Variants in PKHD1 observed in about 807,000 individuals in gnomAD.
The protein encoded by PKHD1 is PKHD1 ciliary IPT domain containing fibrocystin/polyductin.
In PKHD1, 291 loss-of-function variants were observed where a neutral mutation model predicts 412.0. The ratio of observed to expected loss-of-function variants is 0.71; its 90% CI spans 0.64 to 0.78. The LOEUF is 0.78. Among genes scored for constraint, PKHD1 ranks in the 30% least tolerant of loss-of-function variants. PKHD1 has a pLI of 0.00. For synonymous variants in PKHD1, 1,777 were observed against 1,821.5 expected (o/e 0.98, Z 0.62); for missense variants, 4,825 against 4,950.7 (o/e 0.97, Z 0.76).
chr6:52,083,338 C>T, intron 2 of PKHD1, 83 bp from the exon 3 acceptor site: 1 of 906,914 alleles, frequency 1.1e-6, no homozygotes, highest in Non-Finnish European at 1.8e-6. Flanking sequence ...CAATATTTAA[C>T]CTGCCTCAGA....
rs749502580 is a variant in PKHD1 at position 51,855,941 on chromosome 6, C to T, written c.7863G>A (p.Glu2621=). The T allele has an allele frequency of 2.5e-6, 4 of 1,614,028 alleles. No homozygotes were observed. The Admixed American group carries it at 6.7e-5, about 27-fold the overall frequency. ...GGTTCTCAGATTGCAATGAGTAGGT[C>T]TCTTGGTCCAAGAGCAGAGCCATCC... ...RGWMALLLDQ[E]TYSLQSENLW... Residue 2621 remains glutamate (E), a synonymous_variant, in exon 49 of 67, where the codon GAG becomes GAA. Coordinates refer to ENST00000371117, the MANE Select transcript of PKHD1 (RefSeq NM_138694.4).
chr6:51,703,898 T>C (rs1779722102), intron 60 of PKHD1, among the ~76,000 whole-genome samples: 1 of 152,018 alleles, frequency 6.6e-6, no homozygotes, highest in South Asian at 2.1e-4. Context: ...TAAATATAAG[T>C]CAAGATGCTC....
intron 50 of PKHD1, 146 bp from the exon 51 acceptor site, chr6:51,836,615 T>G (rs1769273679): frequency 3.0e-6 from 2 of 669,782 alleles, no homozygotes; most frequent in Admixed American, 2.3e-5. Context: ...TTAGTTAATC[T>G]AACAATTGAT....
At chr6:51,862,167 A>G (rs562605208) in intron 48 of PKHD1, among the ~76,000 whole-genome samples, 1 of 152,270 alleles carries the variant, frequency 6.6e-6, no homozygotes, top group South Asian at 2.1e-4. Flanking sequence ...CTTCCCAACT[A>G]TATGTTCAGT....
At chr6:51,683,974 C>T (rs181814391) in intron 60 of PKHD1, among the ~76,000 whole-genome samples, 1 of 152,154 alleles carries the variant, frequency 6.6e-6, no homozygotes, top group East Asian at 1.9e-4. Context: ...CCTTATTCAC[C>T]TTTGCATATG....
chr6:51,859,797 A>G (rs912493239), intron 48 of PKHD1, among the ~76,000 whole-genome samples: 5 of 152,170 alleles, frequency 3.3e-5, no homozygotes, highest in African/African-American at 1.2e-4. Flanking sequence ...GAAGGCCCAT[A>G]CAAATGTGGT....
intron 59 of PKHD1, among the ~76,000 whole-genome samples, chr6:51,745,640 G>T (rs1453542023): frequency 2.0e-5 from 3 of 152,080 alleles, no homozygotes; most frequent in Non-Finnish European, 2.9e-5. Flanking sequence ...GGAGGTCAAG[G>T]CTGCAGTTAG....
chr6:51,919,754 T>C lies in PKHD1; in HGVS notation c.6122-7178A>G, dbSNP rs942840811. Among the ~76,000 whole-genome samples, 17 of 152,328 alleles carry C rather than the reference T, an allele frequency of 1.1e-4. No homozygotes were observed. In the East Asian group the frequency reaches 2.1e-3, roughly 19 times the overall value. On this transcript the variant is annotated intron_variant, in intron 37 of 66. Coordinates refer to ENST00000371117, the MANE Select transcript of PKHD1 (RefSeq NM_138694.4). ...ATTTTCACGATATTGATTCTTCCTA[T>C]CCATGAGCATGGAATGTTCTTCCAT...
Position 52,069,458 on chromosome 6 carries a change from T to C in PKHD1, c.777A>G (p.Ser259=), listed in dbSNP as rs1418886446. The change falls in exon 11 of 67, where the codon TCA becomes TCG. Residue 259 remains serine, a splice_region_variant and synonymous_variant. Coordinates refer to ENST00000371117, the MANE Select transcript of PKHD1 (RefSeq NM_138694.4). ...GTACTTGGTGAAGGGGGATAGTACC[T>C]GAGTGTGTCTGGTATAGGAAAAGAT... ...KQDLFLYQTH[S]EILSVFPETG... The C allele has an allele frequency of 6.2e-7, 1 of 1,603,924 alleles. No individual in the cohort carries two copies. The highest frequency in any genetic ancestry group is 1.7e-5 in the Admixed American group (1 of 59,998).
intron 8 of PKHD1, among the ~76,000 whole-genome samples, chr6:52,071,694 G>C (rs147253134): frequency 2.6e-3 from 398 of 152,240 alleles, no homozygotes; most frequent in African/African-American, 8.7e-3. Context: ...AGTTAGACAG[G>C]GTTCAAATCC....
At chr6:52,083,537 A>C (rs1812338479) in intron 2 of PKHD1, among the ~76,000 whole-genome samples, 1 of 152,004 alleles carries the variant, frequency 6.6e-6, no homozygotes, top group Admixed American at 6.5e-5. Context: ...ACATTCAAAA[A>C]CCCTGCACTC....
intron 34 of PKHD1, among the ~76,000 whole-genome samples, chr6:52,011,373 T>C (rs746600): frequency 0.41 from 62,841 of 152,090 alleles, 15,045 homozygotes; most frequent in Admixed American, 0.56. Context: ...CAATTTCACA[T>C]GTATGATCTC....
intron 60 of PKHD1, among the ~76,000 whole-genome samples, chr6:51,694,370 TA>T (rs763711962): frequency 3.3e-4 from 50 of 151,910 alleles, no homozygotes; most frequent in Non-Finnish European, 6.5e-4. Context: ...TTTTTTTAAT[TA>T]ATTCATTAAA....
At chr6:51,817,499 T>C (rs1765662102) in intron 52 of PKHD1, among the ~76,000 whole-genome samples, 2 of 152,088 alleles carry the variant, frequency 1.3e-5, no homozygotes, top group Non-Finnish European at 2.9e-5. Flanking sequence ...AGGGGACTGG[T>C]GTGTCAGTTT....
At chr6:51,685,414 G>T (rs554261960) in intron 60 of PKHD1, among the ~76,000 whole-genome samples, 1 of 152,050 alleles carries the variant, frequency 6.6e-6, no homozygotes, top group Admixed American at 6.6e-5. Flanking sequence ...AAGAATAGAA[G>T]TATTTCCTCT....
chr6:51,812,678 A>C (rs553576144), intron 52 of PKHD1, among the ~76,000 whole-genome samples: 1 of 152,324 alleles, frequency 6.6e-6, no homozygotes, highest in South Asian at 2.1e-4. Flanking sequence ...TGGCTATGCA[A>C]AGCTGTCTCT....
chr6:51,826,065 A>C (rs1767249812), intron 52 of PKHD1, among the ~76,000 whole-genome samples: 1 of 152,140 alleles, frequency 6.6e-6, no homozygotes, highest in African/African-American at 2.4e-5. Flanking sequence ...TGAAGTCAAT[A>C]GTTTTATAAT....
chr6:51,672,601 T>C (rs761545617), intron 60 of PKHD1, among the ~76,000 whole-genome samples: 1 of 152,144 alleles, frequency 6.6e-6, no homozygotes, highest in Non-Finnish European at 1.5e-5. Flanking sequence ...CCCAGTAAGA[T>C]GGAATGGACA....
chr6:51,890,054 C>A (rs1481190404), intron 43 of PKHD1, among the ~76,000 whole-genome samples: 1 of 151,716 alleles, frequency 6.6e-6, no homozygotes. Context: ...TAATAACACT[C>A]ATAGTGAAAA....
Sources: allele counts gnomAD v4.1 joint callset (sites outside exome capture counted in the v4.1 genomes callset), GRCh38; gene constraint gnomAD v4.1.1; transcripts MANE v1.5; gene names NCBI Gene and HGNC (gene_info 2026-07-23, HGNC 2026-07-21).